The following CD8B2 variants were observed in gnomAD, a reference collection of about 807,000 sequenced individuals.
CD8B2 encodes the protein T-cell surface glycoprotein CD8 beta-2 chain.
A neutral mutation model predicts 23.7 loss-of-function variants in CD8B2; 11 were observed. The ratio of observed to expected loss-of-function variants is 0.46; its 90% confidence interval spans 0.29 to 0.77. The LOEUF (loss-of-function observed/expected upper bound fraction) is 0.77. Ranked by LOEUF, CD8B2 falls within the 30% of genes least tolerant of loss-of-function variation. CD8B2 has a pLI of 0.09. For synonymous variants in CD8B2, 90 were observed against 109.3 expected (o/e 0.82, Z 1.10); for missense variants, 197 against 270.5 (o/e 0.73, Z 1.91).
chr2:106,496,964 G>A (rs1438715575), intron 3 of CD8B2, among the ~76,000 whole-genome samples: 1 of 152,174 alleles, frequency 6.6e-6, no homozygotes, highest in Non-Finnish European at 1.5e-5. Flanking sequence ...TCCACTCAAA[G>A]GACCAGCACT....
chr2:106,490,077 A>G lies in CD8B2; in HGVS notation c.44-797A>G, dbSNP rs554658551. On this transcript the variant is annotated intron_variant, in intron 1 of 5. Transcript: ENST00000643224. ...CCATCAGTTGCTGGGCTCGGGGGTCATGGGCTGTAATTGTACCTACCAGGG... is the reference window on the plus strand; with the variant it reads ...CCATCAGTTGCTGGGCTCGGGGGTCGTGGGCTGTAATTGTACCTACCAGGG... Among the ~76,000 whole-genome samples, 1,218 of 152,072 alleles carry G rather than the reference A, an allele frequency of 8.0e-3. 7 individuals are homozygous for G. The highest frequency in any genetic ancestry group is 0.014 in the Non-Finnish European group (940 of 67,956).
At chr2:106,488,821 T>G (rs1380795459) in intron 1 of CD8B2, among the ~76,000 whole-genome samples, 2 of 152,040 alleles carry the variant, frequency 1.3e-5, no homozygotes, top group Non-Finnish European at 2.9e-5. Context: ...CAGGCACAGC[T>G]CAATAAACTG....
At chr2:106,488,737 A>G (rs4676036) in intron 1 of CD8B2, among the ~76,000 whole-genome samples, 149,698 of 152,284 alleles carry the variant, frequency 0.98, 73,632 homozygotes, top group East Asian at 1. Context: ...TTCCTCATGG[A>G]TAAAGTAGTT....
At chr2:106,534,823 A>ATGTTTGTT (rs10654782) in intron 5 of CD8B2, among the ~76,000 whole-genome samples, 10 of 151,828 alleles carry the variant, frequency 6.6e-5, no homozygotes, top group Non-Finnish European at 1.0e-4. Flanking sequence ...TTGAGACCTA[A>ATGTTTGTT]TGTTTGTTTG....
chr2:106,536,554 T>C (rs1558887811), intron 5 of CD8B2, among the ~76,000 whole-genome samples: 1 of 152,200 alleles, frequency 6.6e-6, no homozygotes, highest in Non-Finnish European at 1.5e-5. Flanking sequence ...CCTAATGGAC[T>C]TTAGATTCTT....
chr2:106,492,818 G>T (rs757448301), intron 2 of CD8B2, among the ~76,000 whole-genome samples: 1 of 152,228 alleles, frequency 6.6e-6, no homozygotes, highest in Middle Eastern at 3.2e-3. Context: ...GCCTGGGAGG[G>T]TGTATTGCAG....
At chr2:106,491,320 C>T (rs1488171445) in intron 2 of CD8B2, 87 bp downstream of exon 2, 7 of 1,224,162 alleles carry the variant, frequency 5.7e-6, no homozygotes, top group Non-Finnish European at 4.7e-6. Context: ...TTCAGTGTGC[C>T]CCTGTCTGCA....
chr2:106,536,788 A>T (rs959446109), intron 5 of CD8B2, among the ~76,000 whole-genome samples: 1 of 152,144 alleles, frequency 6.6e-6, no homozygotes, highest in East Asian at 1.9e-4. Flanking sequence ...ATGGTGAGTT[A>T]ATTATGGGTG....
intron 5 of CD8B2, among the ~76,000 whole-genome samples, chr2:106,518,108 A>G (rs1446996405): frequency 2.0e-5 from 3 of 152,158 alleles, no homozygotes; most frequent in African/African-American, 7.2e-5. Flanking sequence ...TCATCCTGCT[A>G]TTTCATACCC....
chr2:106,522,431 A>G (rs1188633005), intron 5 of CD8B2, among the ~76,000 whole-genome samples: 2 of 152,228 alleles, frequency 1.3e-5, no homozygotes, highest in African/African-American at 4.8e-5. Context: ...CAATTAAATC[A>G]CCTGGCAAAT....
chr2:106,505,862 G>T (rs1390704304), intron 5 of CD8B2, among the ~76,000 whole-genome samples: 4 of 152,204 alleles, frequency 2.6e-5, no homozygotes, highest in African/African-American at 9.7e-5. Flanking sequence ...CGGGTGCGGT[G>T]GCTCAAGCCT....
chr2:106,500,542 A>AAATT (rs1484554065), intron 3 of CD8B2, among the ~76,000 whole-genome samples: 4 of 150,088 alleles, frequency 2.7e-5, no homozygotes, highest in Non-Finnish European at 5.9e-5. Flanking sequence ...ATAAATAAAT[A>AAATT]AATAAATAAA....
At position 106,504,424 on chromosome 2, in the gene CD8B2, C is replaced by T. The variant is rs1451311269; in HGVS notation, c.620+99C>T. On this transcript the variant is annotated intron_variant, in intron 5 of 5. Transcript: ENST00000643224. ...GGAGCCAAAGTCAGACCTCATCTTC[C>T]AAAGATCATAGACTCGGCCGGGCGT... 29 of 1,545,904 alleles carry T rather than the reference C, an allele frequency of 1.9e-5. 1 individual carries two copies. Among genetic ancestry groups the T allele is most frequent in the Non-Finnish European group, 2.5e-5 (29 of 1,142,836 alleles).
In CD8B2 at chr2:106,509,868, T is replaced by A. The variant is rs1002818840; in HGVS notation, c.*2928T>A. On this transcript the variant is annotated 3_prime_UTR_variant, in exon 6 of 6. Transcript: ENST00000643224. ...GAAAGAAATACATCAAAAAGTGGCATGCACAAAGAAATACGCATCAGATTG... is the reference window on the plus strand; with the variant it reads ...GAAAGAAATACATCAAAAAGTGGCAAGCACAAAGAAATACGCATCAGATTG... The A allele has an allele frequency of 6.6e-6, 1 of 152,230 alleles. No homozygotes were observed. Among genetic ancestry groups the A allele is most frequent in the African/African-American group, 2.4e-5 (1 of 41,464 alleles). The allele number at this position is 152,230 out of a possible 1,614,324, so 9.4% of individuals were successfully genotyped here.
At chr2:106,539,046 C>T (rs1235421551) in intron 5 of CD8B2, among the ~76,000 whole-genome samples, 1 of 152,182 alleles carries the variant, frequency 6.6e-6, no homozygotes, top group Admixed American at 6.5e-5. Context: ...TCTGACTCTA[C>T]CTGGTCACAG....
At chr2:106,527,438 G>C (rs1679921929) in intron 5 of CD8B2, among the ~76,000 whole-genome samples, 1 of 152,154 alleles carries the variant, frequency 6.6e-6, no homozygotes, top group Non-Finnish European at 1.5e-5. Flanking sequence ...ATCGAATGTT[G>C]CCTTTTCTAA....
intron 5 of CD8B2, among the ~76,000 whole-genome samples, chr2:106,506,002 G>A (rs1476957256): frequency 3.9e-5 from 6 of 152,086 alleles, no homozygotes; most frequent in African/African-American, 1.4e-4. Flanking sequence ...GCGTGGTGGC[G>A]GGCGCCTATG....
At chr2:106,515,133 A>G (rs550998039), downstream of CD8B2, among the ~76,000 whole-genome samples, 1 of 152,334 alleles carries the variant, frequency 6.6e-6, no homozygotes, top group African/African-American at 2.4e-5. Context: ...CTTCAATCCA[A>G]TGAAGTTGAC....
At chr2:106,492,043 G>C (rs1465128057) in intron 2 of CD8B2, among the ~76,000 whole-genome samples, 2 of 152,160 alleles carry the variant, frequency 1.3e-5, no homozygotes, top group East Asian at 3.9e-4. Flanking sequence ...GGGCAGTGGA[G>C]GGACAGGTGC....
Sources: gnomAD v4.1 joint callset for allele counts (sites outside exome capture counted in the v4.1 genomes callset) on GRCh38, gnomAD v4.1.1 for gene constraint, MANE v1.5 for transcripts, NCBI Gene and HGNC (gene_info 2026-07-23, HGNC 2026-07-21) for gene names.